Variants in WDR62 observed in about 807,000 individuals in gnomAD.
WDR62 encodes WD repeat domain 62, also known as WD repeat-containing protein 62.
A neutral mutation model predicts 160.6 loss-of-function variants in WDR62; 112 were observed. The observed-to-expected ratio is 0.70, with a 90% CI of 0.60 to 0.82. WDR62 has a LOEUF of 0.82. Among genes scored for constraint, WDR62 ranks in the 40% least tolerant of loss-of-function variants. The pLI, the probability that WDR62 is intolerant of heterozygous loss-of-function variation, is 0.00. For synonymous variants in WDR62, 792 were observed against 815.1 expected (o/e 0.97, Z 0.48); for missense variants, 1,819 against 1,983.8 (o/e 0.92, Z 1.58).
intron 8 of WDR62, among the ~76,000 whole-genome samples, chr19:36,072,677 G>A (rs1599772476): frequency 6.6e-6 from 1 of 152,244 alleles, no homozygotes; most frequent in Admixed American, 6.5e-5. Context: ...CAGGGGAACT[G>A]GGTGTCATGA....
chr19:36,058,788 C>G lies in WDR62; in HGVS notation c.186C>G (p.Leu62=), dbSNP rs11538454. Residue 62 remains leucine, a synonymous_variant, in exon 2 of 32, where the codon CTC becomes CTG. Transcript: ENST00000401500. ...GGGCTTTTTCTTTGCAGGTGTCACT[C>G]GAGAAGGTGCTTGGCATCACAGCCC... ...SEETVQNRVS[L]EKVLGITAQN... is the part of the protein sequence containing the mutation. The G allele has an allele frequency of 6.2e-7, 1 of 1,613,840 alleles. No homozygotes were observed. Among genetic ancestry groups the G allele is most frequent in the South Asian group, 1.1e-5 (1 of 91,066 alleles).
At chr19:36,058,414 G>A (rs754677391) in intron 1 of WDR62, among the ~76,000 whole-genome samples, 6 of 152,162 alleles carry the variant, frequency 3.9e-5, no homozygotes, top group Non-Finnish European at 7.3e-5. Flanking sequence ...CGCGGCATTC[G>A]CCCCCTTCCC....
At chr19:36,099,318 T>A in intron 21 of WDR62, 81 bp from the exon 22 acceptor site, 1 of 1,162,626 alleles carries the variant, frequency 8.6e-7, no homozygotes, top group East Asian at 2.5e-5. Flanking sequence ...AGAGTCCAGA[T>A]GGGCTGTGTG....
intron 7 of WDR62, 104 bp downstream of exon 7, chr19:36,068,114 T>C (rs1971043915): frequency 7.3e-7 from 1 of 1,360,976 alleles, no homozygotes; most frequent in African/African-American, 1.4e-5. Context: ...CTTATGTGAC[T>C]AGTGGTGAAT....
chr19:36,063,836 C>G (rs183003709), intron 3 of WDR62, among the ~76,000 whole-genome samples: 32 of 152,358 alleles, frequency 2.1e-4, no homozygotes, highest in Admixed American at 2.0e-3. Flanking sequence ...TTTCCTGAGA[C>G]AGTGCAAATA....
At chr19:36,109,410 A>G (rs938742424), downstream of WDR62, among the ~76,000 whole-genome samples, 4 of 152,098 alleles carry the variant, frequency 2.6e-5, no homozygotes, top group African/African-American at 9.7e-5. Context: ...TTACGCGATC[A>G]TTTTCAGTAA....
intron 3 of WDR62, among the ~76,000 whole-genome samples, chr19:36,064,006 TC>T (rs1599753713): frequency 1.3e-5 from 2 of 152,254 alleles, no homozygotes; most frequent in East Asian, 3.9e-4. Context: ...GCAGGGGACT[TC>T]CTTGTGTTGC....
chr19:36,071,500 C>T (rs1971296210), intron 7 of WDR62, 56 bp from the exon 8 acceptor site: 4 of 1,611,370 alleles, frequency 2.5e-6, no homozygotes, highest in Non-Finnish European at 3.4e-6. Flanking sequence ...TCCCCATATC[C>T]CCGGGCCAGG....
chr19:36,094,176 G>C lies in WDR62; in HGVS notation c.2467+12G>C. On this transcript the variant is annotated intron_variant, in intron 20 of 31. Transcript: ENST00000401500. ...TAGCTTGGATCCAGGTTGGAAAAGGGGCCCTATTTTGAACTATGTCAGTGT... is the reference window on the plus strand; with the variant it reads ...TAGCTTGGATCCAGGTTGGAAAAGGCGCCCTATTTTGAACTATGTCAGTGT... 8 of 1,613,732 alleles carry C rather than the reference G, an allele frequency of 5.0e-6. No homozygotes were observed. Among genetic ancestry groups the C allele is most frequent in the Non-Finnish European group, 6.8e-6 (8 of 1,179,932 alleles).
chr19:36,091,213 C>G lies in WDR62; in HGVS notation c.2048C>G (p.Pro683Arg). The G allele has an allele frequency of 6.2e-7, 1 of 1,612,610 alleles. No homozygotes were observed. Among genetic ancestry groups the G allele is most frequent in the South Asian group, 1.1e-5 (1 of 91,006 alleles). Residue 683 changes from proline to arginine, a missense_variant, in exon 17 of 32, where the codon CCC becomes CGC. Transcript: ENST00000401500. ...CTTTCCTGGCAGGTCCATGTGGACC[C>G]CTCAGGCACCTTCCTGGCCACCAGC... The part of the protein sequence containing the change: ...EGSLLKVHVD[P>R]SGTFLATSCS...
chr19:36,102,155 G>A lies in WDR62; in HGVS notation c.3220+4G>A, dbSNP rs199678831. On this transcript the variant is annotated splice_donor_region_variant and intron_variant, in intron 26 of 31. Transcript: ENST00000401500. ...CTGACTGAGTCCCCCTGCAGAGGTA[G>A]GGCCCTGCCTCACCCACACCTGCCG... The A allele has an allele frequency of 3.7e-6, 6 of 1,613,618 alleles. No homozygotes were observed. Among genetic ancestry groups the A allele is most frequent in the Non-Finnish European group, 5.1e-6 (6 of 1,180,036 alleles).
intron 12 of WDR62, among the ~76,000 whole-genome samples, chr19:36,085,398 A>G (rs1208532751): frequency 1.6e-5 from 2 of 121,274 alleles, no homozygotes; most frequent in Non-Finnish European, 3.3e-5. Context: ...TTAGGGCATG[A>G]GCCACCACAC....
At chr19:36,065,747 A>G (rs557621432) in intron 3 of WDR62, among the ~76,000 whole-genome samples, 1 of 152,316 alleles carries the variant, frequency 6.6e-6, no homozygotes, top group East Asian at 1.9e-4. Flanking sequence ...TCAGGGCGGA[A>G]GGGGCCTTTG....
In WDR62 at chr19:36,094,267, G is replaced by A. The variant is rs531140186; in HGVS notation, c.2467+103G>A. 88 of 1,501,180 alleles carry A rather than the reference G, an allele frequency of 5.9e-5. No homozygotes were observed. The East Asian group carries it at 2.0e-3, about 34-fold the overall frequency. 93.0% of individuals were successfully genotyped at this position (1,501,180 alleles called of 1,614,324 possible). On this transcript the variant is annotated intron_variant, in intron 20 of 31. Transcript: ENST00000401500. ...GGGCCTGGCACATATTAAAACTCAG[G>A]AGTCGACAGGGTGCGGTGGCTGATA...
chr19:36,082,212 C>T (rs984044365), intron 10 of WDR62, among the ~76,000 whole-genome samples: 16 of 152,176 alleles, frequency 1.1e-4, no homozygotes, highest in Non-Finnish European at 2.4e-4. Flanking sequence ...AACTGACAGC[C>T]GACCATGTTA....
intron 9 of WDR62, among the ~76,000 whole-genome samples, chr19:36,078,903 CTTT>C (rs550885984): frequency 7.7e-6 from 1 of 129,608 alleles, no homozygotes; most frequent in African/African-American, 2.8e-5. Context: ...TTCTGCTGTG[CTTT>C]TTTTTTTTTT....
At chr19:36,106,496 G>A (rs1973716595), downstream of WDR62, among the ~76,000 whole-genome samples, 1 of 152,188 alleles carries the variant, frequency 6.6e-6, no homozygotes, top group African/African-American at 2.4e-5. Flanking sequence ...AGGAATTAGA[G>A]CTCTGTATAA....
chr19:36,067,567 C>T, intron 6 of WDR62, 124 bp downstream of exon 6: 7 of 1,406,492 alleles, frequency 5.0e-6, no homozygotes, highest in Non-Finnish European at 7.0e-6. Context: ...CTCTCAGGGG[C>T]CCAGCTGCTG....
intron 9 of WDR62, among the ~76,000 whole-genome samples, chr19:36,080,861 T>C (rs1971854561): frequency 6.6e-6 from 1 of 152,254 alleles, no homozygotes; most frequent in Admixed American, 6.5e-5. Flanking sequence ...TTTAATCTTG[T>C]CAAAATTATC....
Sources: allele counts gnomAD v4.1 joint callset (sites outside exome capture counted in the v4.1 genomes callset), GRCh38; gene constraint gnomAD v4.1.1; transcripts MANE v1.5; gene names NCBI Gene and HGNC (gene_info 2026-07-23, HGNC 2026-07-21).